The following TSC22D1 variants were observed in gnomAD, a reference collection of about 807,000 sequenced individuals.
TSC22D1 encodes TSC22 domain family member 1.
Under a neutral mutation model 74.2 loss-of-function variants are expected in TSC22D1, and 9 were observed. That is an observed-to-expected ratio of 0.12 (90% CI 0.07 to 0.21). TSC22D1 has a LOEUF of 0.21. Among genes scored for constraint, TSC22D1 ranks in the 10% least tolerant of loss-of-function variants. The probability of loss-of-function intolerance (pLI) is 1.00; values close to 1 mark genes in which losing one functional copy is unlikely to be tolerated. For synonymous variants in TSC22D1, 586 were observed against 492.5 expected, an observed-to-expected ratio of 1.19 and a Z score of -2.51; for missense variants, 1,427 against 1,304.7, an observed-to-expected ratio of 1.09 and a Z score of -1.44.
At chr13:44,464,941 A>AT (rs61095233) in intron 1 of TSC22D1, among the ~76,000 whole-genome samples, 1 of 152,124 alleles carries the variant, frequency 6.6e-6, no homozygotes, top group East Asian at 1.9e-4. Flanking sequence ...TTCTTTGTGT[A>AT]TTTTTTAATA....
In TSC22D1 at chr13:44,531,596, C is replaced by CA. The variant is rs772568142; in HGVS notation, c.2912+41566dup. Among the ~76,000 whole-genome samples, 118 of 151,794 alleles carry CA rather than the reference C, an allele frequency of 7.8e-4. 1 individual carries two copies. Among genetic ancestry groups the CA allele is most frequent in the African/African-American group, 2.7e-3 (113 of 41,396 alleles). ...GTAAATGTTTGTTCTTATTTTCCCCCAAATTCTTTCTAAATCAGGCAAGAC... is the reference window on the plus strand; with the variant it reads ...GTAAATGTTTGTTCTTATTTTCCCCCAAAATTCTTTCTAAATCAGGCAAGAC... On this transcript the variant is annotated intron_variant, in intron 1 of 2. Coordinates refer to ENST00000458659, the MANE Select transcript of TSC22D1 (RefSeq NM_183422.4).
intron 1 of TSC22D1, among the ~76,000 whole-genome samples, chr13:44,454,279 G>A (rs545712078): frequency 6.6e-6 from 1 of 152,080 alleles, no homozygotes; most frequent in Non-Finnish European, 1.5e-5. Context: ...ACCTAATCAG[G>A]ATAACTAAAT....
chr13:44,443,766 AAGAT>A (rs1235071195), intron 1 of TSC22D1, among the ~76,000 whole-genome samples: 1 of 152,246 alleles, frequency 6.6e-6, no homozygotes, highest in African/African-American at 2.4e-5. Context: ...ATGTATGACA[AAGAT>A]AGAACAACGG....
At chr13:44,498,100 C>CAA (rs111304299) in intron 1 of TSC22D1, among the ~76,000 whole-genome samples, 20 of 138,038 alleles carry the variant, frequency 1.4e-4, no homozygotes, top group African/African-American at 2.1e-4. Context: ...AAAAAAAAAC[C>CAA]AAAAAAAAAA....
intron 1 of TSC22D1, among the ~76,000 whole-genome samples, chr13:44,519,828 CTGAGA>C (rs1440025913): frequency 1.3e-5 from 2 of 152,008 alleles, no homozygotes; most frequent in African/African-American, 4.8e-5. Flanking sequence ...GGATATATGG[CTGAGA>C]TATTTCAGCC....
At chr13:44,551,389 G>GGTGGGTGTGTGGGTGTGTGT (rs1298469090) in intron 1 of TSC22D1, among the ~76,000 whole-genome samples, 73 of 125,306 alleles carry the variant, frequency 5.8e-4, no homozygotes, top group Admixed American at 2.9e-3. Context: ...CAATCAGATG[G>GGTGGGTGTGTGGGTGTGTGT]GTGTGTGTGT....
chr13:44,538,741 G>C (rs1881296988), intron 1 of TSC22D1: 1 of 985,248 alleles, frequency 1.0e-6, no homozygotes, highest in Admixed American at 6.1e-5. Context: ...GCTCATCCTT[G>C]TGTCTTCTAG....
chr13:44,451,107 A>G (rs1876093619), intron 1 of TSC22D1, among the ~76,000 whole-genome samples: 1 of 152,238 alleles, frequency 6.6e-6, no homozygotes, highest in Non-Finnish European at 1.5e-5. Context: ...TCAGCTCTCC[A>G]ATGCCAGGCA....
At chr13:44,445,328 C>T (rs1348476290) in intron 1 of TSC22D1, among the ~76,000 whole-genome samples, 2 of 141,758 alleles carry the variant, frequency 1.4e-5, no homozygotes, top group African/African-American at 5.3e-5. Context: ...GGAACAACTG[C>T]AAAAAAAAAA....
In TSC22D1 at chr13:44,479,041, C is replaced by T. The variant is rs529193359; in HGVS notation, c.2913-42946G>A. Among the ~76,000 whole-genome samples, 7 of 152,208 alleles carry T rather than the reference C, an allele frequency of 4.6e-5. No individual in the cohort carries two copies. In the South Asian group the frequency reaches 1.2e-3, roughly 27 times the overall value. On this transcript the variant is annotated intron_variant, in intron 1 of 2. Coordinates refer to ENST00000458659, the MANE Select transcript of TSC22D1 (RefSeq NM_183422.4). ...ATTACTGAATAAAAAATATTAAGCC[C>T]TCTTACTTGGTCCTAGATGGCCCTA...
At chr13:44,543,599 T>C (rs900448075) in intron 1 of TSC22D1, among the ~76,000 whole-genome samples, 6 of 152,212 alleles carry the variant, frequency 3.9e-5, no homozygotes, top group Non-Finnish European at 8.8e-5. Flanking sequence ...GGAAAGAACA[T>C]GCTTAACAGA....
intron 1 of TSC22D1, among the ~76,000 whole-genome samples, chr13:44,503,565 C>G (rs1267296411): frequency 1.3e-5 from 2 of 152,090 alleles, no homozygotes; most frequent in African/African-American, 4.8e-5. Context: ...CAATAGTTTT[C>G]TTCAATTTGG....
At chr13:44,457,637 C>CAAAAAAAAAAAAAAAAAAAAAAAGAAA (rs10692086) in intron 1 of TSC22D1, among the ~76,000 whole-genome samples, 1 of 85,416 alleles carries the variant, frequency 1.2e-5, no homozygotes, top group African/African-American at 4.6e-5. Context: ...AAGCAAATAG[C>CAAAAAAAAAAAAAAAAAAAAAAAGAAA]AAAAAAAAAA....
At chr13:44,458,035 C>T (rs1391358193) in intron 1 of TSC22D1, among the ~76,000 whole-genome samples, 1 of 152,140 alleles carries the variant, frequency 6.6e-6, no homozygotes, top group Middle Eastern at 3.2e-3. Context: ...AAAAGTAGAA[C>T]AAGTTCTAGG....
chr13:44,569,317 T>C (rs1346741480), intron 1 of TSC22D1, among the ~76,000 whole-genome samples: 3 of 152,178 alleles, frequency 2.0e-5, no homozygotes, highest in Non-Finnish European at 4.4e-5. Context: ...CAGGCTATAT[T>C]ACATATCTAG....
chr13:44,551,421 T>G (rs1882263234), intron 1 of TSC22D1, among the ~76,000 whole-genome samples: 1 of 151,550 alleles, frequency 6.6e-6, no homozygotes, highest in Admixed American at 6.6e-5. Context: ...TGTGTGTGTG[T>G]GTGTGTGTGT....
intron 1 of TSC22D1, chr13:44,536,958 AACAAAAAAAACT>A: frequency 1.0e-6 from 1 of 956,664 alleles, no homozygotes; most frequent in Non-Finnish European, 1.2e-6. Flanking sequence ...AAAAAAAAAA[AACAAAAAAAACT>A]AACACACAGA....
In TSC22D1 at chr13:44,569,505, G is replaced by GA. The variant is rs955029768; in HGVS notation, c.2912+3657dup. Among the ~76,000 whole-genome samples the GA allele has an allele frequency of 1.2e-4, 18 of 150,040 alleles. No homozygotes were observed. In the East Asian group the frequency reaches 2.5e-3, roughly 21 times the overall value. On this transcript the variant is annotated intron_variant, in intron 1 of 2. Transcript: ENST00000458659. Reference sequence around the variant, plus strand: ...TCTTTAAACTGTGCATGTACATCTTGAAAAAAAAACTTTAAAAATTATAAT... The same window carrying GA: ...TCTTTAAACTGTGCATGTACATCTTGAAAAAAAAAACTTTAAAAATTATAAT...
At chr13:44,523,488 A>G (rs1457523003) in intron 1 of TSC22D1, among the ~76,000 whole-genome samples, 2 of 152,224 alleles carry the variant, frequency 1.3e-5, no homozygotes, top group African/African-American at 4.8e-5. Context: ...CATGAAAAAA[A>G]CTTTCATATT....
Sources: allele counts gnomAD v4.1 joint callset (sites outside exome capture counted in the v4.1 genomes callset), GRCh38; gene constraint gnomAD v4.1.1; transcripts MANE v1.5; gene names NCBI Gene and HGNC (gene_info 2026-07-23, HGNC 2026-07-21).